RIT2: variants seen among roughly 807,000 people sequenced by gnomAD.
RIT2 encodes Ras like without CAAX 2.
RIT2 carries 24 observed loss-of-function variants against 23.7 expected under a neutral mutation model. That is an observed-to-expected ratio of 1.01 (90% CI 0.73 to 1.43). RIT2 has a LOEUF of 1.43. Among genes scored for constraint, RIT2 ranks in the 40% most tolerant of loss-of-function variants. The pLI, the probability that RIT2 is intolerant of heterozygous loss-of-function variation, is 0.00. For synonymous variants in RIT2, 107 were observed against 91.1 expected (o/e 1.17, Z -0.99); for missense variants, 236 against 266.9 (o/e 0.88, Z 0.81).
chr18:43,037,203 A>G (rs1466433213), intron 1 of RIT2, among the ~76,000 whole-genome samples: 1 of 152,234 alleles, frequency 6.6e-6, no homozygotes, highest in African/African-American at 2.4e-5. Context: ...ATAGGTAACG[A>G]TCAACATGTC....
chr18:42,957,325 C>A (rs1909995431), intron 3 of RIT2, among the ~76,000 whole-genome samples: 1 of 152,068 alleles, frequency 6.6e-6, no homozygotes, highest in African/African-American at 2.4e-5. Flanking sequence ...TATAAGAATT[C>A]AGAATTATAG....
chr18:42,903,099 TA>T (rs905988055), intron 4 of RIT2, among the ~76,000 whole-genome samples: 16 of 151,970 alleles, frequency 1.1e-4, no homozygotes, highest in Non-Finnish European at 2.9e-5. Flanking sequence ...CACATGCTTT[TA>T]AAAAATCATC....
chr18:42,859,358 G>A (rs1390775520), intron 4 of RIT2, among the ~76,000 whole-genome samples: 6 of 152,156 alleles, frequency 3.9e-5, no homozygotes, highest in African/African-American at 7.2e-5. Flanking sequence ...CATCCTTGGC[G>A]AAATGATTAT....
intron 4 of RIT2, among the ~76,000 whole-genome samples, chr18:42,908,530 T>C (rs979434216): frequency 1.3e-5 from 2 of 151,922 alleles, no homozygotes; most frequent in African/African-American, 2.4e-5. Context: ...AAAGAATAAA[T>C]CATTAAAACA....
intron 1 of RIT2, among the ~76,000 whole-genome samples, chr18:43,083,190 T>C (rs1351082350): frequency 6.6e-6 from 1 of 152,110 alleles, no homozygotes; most frequent in Non-Finnish European, 1.5e-5. Context: ...AAGGACTTCT[T>C]CAAGGAGAAC....
chr18:42,819,088 A>G (rs1460079435), intron 4 of RIT2, among the ~76,000 whole-genome samples: 1 of 152,070 alleles, frequency 6.6e-6, no homozygotes, highest in African/African-American at 2.4e-5. Flanking sequence ...GAAGGCAGAG[A>G]TGGTAAGAAA....
chr18:42,973,544 T>C (rs1024970968), intron 3 of RIT2, among the ~76,000 whole-genome samples: 1 of 151,988 alleles, frequency 6.6e-6, no homozygotes, highest in Non-Finnish European at 1.5e-5. Flanking sequence ...TGATGTAGTA[T>C]TTTAGTTCTA....
At chr18:42,994,238 C>T (rs1399956913) in intron 2 of RIT2, among the ~76,000 whole-genome samples, 9 of 152,202 alleles carry the variant, frequency 5.9e-5, no homozygotes, top group Admixed American at 5.9e-4. Flanking sequence ...GGCTGTACTG[C>T]CACAAGGCTT....
At chr18:43,052,803 A>AGTGTGAGACT (rs1398152470) in intron 1 of RIT2, among the ~76,000 whole-genome samples, 2 of 152,096 alleles carry the variant, frequency 1.3e-5, no homozygotes, top group Non-Finnish European at 2.9e-5. Context: ...CACTCTAATA[A>AGTGTGAGACT]TATACATAGG....
At chr18:42,793,405 C>T (rs190079820) in intron 4 of RIT2, among the ~76,000 whole-genome samples, 1 of 152,168 alleles carries the variant, frequency 6.6e-6, no homozygotes, top group Non-Finnish European at 1.5e-5. Flanking sequence ...ATCTAAGAAC[C>T]TACACTATCA....
intron 4 of RIT2, among the ~76,000 whole-genome samples, chr18:42,826,525 G>C (rs997612853): frequency 1.3e-5 from 2 of 151,990 alleles, no homozygotes; most frequent in African/African-American, 4.8e-5. Flanking sequence ...TAAAGAAACT[G>C]GGAGCTAGCA....
At chr18:42,961,382 G>A (rs187583329) in intron 3 of RIT2, among the ~76,000 whole-genome samples, 110 of 152,304 alleles carry the variant, frequency 7.2e-4, no homozygotes, top group African/African-American at 2.5e-3. Context: ...ATTGCAGGAC[G>A]CATCAACTCA....
At chr18:42,931,226 C>T (rs1210263788) in intron 3 of RIT2, among the ~76,000 whole-genome samples, 2 of 151,976 alleles carry the variant, frequency 1.3e-5, no homozygotes, top group African/African-American at 4.8e-5. Flanking sequence ...TGTTACTATT[C>T]CCTGGATGAT....
At chr18:42,761,725 T>G (rs1336737591) in intron 4 of RIT2, among the ~76,000 whole-genome samples, 1 of 152,190 alleles carries the variant, frequency 6.6e-6, no homozygotes, top group Non-Finnish European at 1.5e-5. Context: ...TTGCCCAGGC[T>G]GGAGTGCAGT....
At chr18:43,037,853 A>G (rs1021198252) in intron 1 of RIT2, among the ~76,000 whole-genome samples, 8 of 151,922 alleles carry the variant, frequency 5.3e-5, no homozygotes, top group Admixed American at 1.3e-4. Context: ...TTTTCTGGAG[A>G]TACTAAGGAT....
chr18:43,080,252 G>A (rs577175019), intron 1 of RIT2, among the ~76,000 whole-genome samples: 2 of 152,250 alleles, frequency 1.3e-5, no homozygotes, highest in East Asian at 3.9e-4. Context: ...GCAAAGGCAG[G>A]CATTTTTCTT....
At chr18:43,026,136 T>A (rs970172466) in intron 2 of RIT2, among the ~76,000 whole-genome samples, 1 of 151,930 alleles carries the variant, frequency 6.6e-6, no homozygotes, top group Non-Finnish European at 1.5e-5. Flanking sequence ...TAGATGAATG[T>A]TGTACATATT....
intron 2 of RIT2, among the ~76,000 whole-genome samples, chr18:43,023,315 A>G (rs1911639062): frequency 1.3e-5 from 2 of 152,080 alleles, no homozygotes; most frequent in South Asian, 4.1e-4. Context: ...TGACAGTAAT[A>G]TCTCATTGTA....
At chr18:42,891,261 C>A (rs923493464) in intron 4 of RIT2, among the ~76,000 whole-genome samples, 1 of 152,126 alleles carries the variant, frequency 6.6e-6, no homozygotes, top group Non-Finnish European at 1.5e-5. Context: ...AAAATAGCAA[C>A]TTGAAGGTAC....
Sources: allele counts gnomAD v4.1 joint callset (sites outside exome capture counted in the v4.1 genomes callset), GRCh38; gene constraint gnomAD v4.1.1; transcripts MANE v1.5; gene names NCBI Gene and HGNC (gene_info 2026-07-23, HGNC 2026-07-21).